The following P3H2 variants were observed in gnomAD, a reference collection of about 807,000 sequenced individuals.
P3H2 encodes the protein leprecan-like 1.
A neutral mutation model predicts 87.0 loss-of-function variants in P3H2; 80 were observed. That is an observed-to-expected ratio of 0.92 (90% CI 0.77 to 1.11). The LOEUF (loss-of-function observed/expected upper bound fraction) is 1.11. P3H2 is among the 50% of genes least tolerant of loss of function. P3H2 has a pLI of 0.00. For missense variants in P3H2, 1,001 were observed against 923.9 expected (o/e 1.08, Z -1.08); for synonymous variants, 367 against 359.3 (o/e 1.02, Z -0.24).
chr3:189,988,738 A>G (rs1328111730), intron 4 of P3H2, among the ~76,000 whole-genome samples, 169 bp downstream of exon 4: 1 of 152,194 alleles, frequency 6.6e-6, no homozygotes, highest in African/African-American at 2.4e-5. Context: ...CATTGGTGAT[A>G]TCCCCTTCTG....
chr3:190,092,811 C>G (rs992650813), intron 1 of P3H2, among the ~76,000 whole-genome samples: 1 of 152,182 alleles, frequency 6.6e-6, no homozygotes, highest in African/African-American at 2.4e-5. Flanking sequence ...TAATATCCTT[C>G]CTTCCTATTC....
At chr3:189,995,213 A>C in intron 2 of P3H2, 77 bp downstream of exon 2, 11 of 1,376,904 alleles carry the variant, frequency 8.0e-6, no homozygotes, top group Non-Finnish European at 1.0e-5. Flanking sequence ...ATTCATTCAT[A>C]GAAATTTGCT....
intron 1 of P3H2, among the ~76,000 whole-genome samples, chr3:190,013,251 T>C (rs950293856): frequency 6.6e-6 from 1 of 152,236 alleles, no homozygotes; most frequent in African/African-American, 2.4e-5. Flanking sequence ...AGGAGAATGA[T>C]GTGAGAACAC....
intron 1 of P3H2, among the ~76,000 whole-genome samples, chr3:190,090,567 G>A (rs1727375901): frequency 6.6e-6 from 1 of 152,106 alleles, no homozygotes; most frequent in Non-Finnish European, 1.5e-5. Context: ...GCTGGGCATG[G>A]TGGCGGGCAC....
intron 4 of P3H2, 73 bp downstream of exon 4, chr3:189,988,834 T>A: frequency 6.3e-7 from 1 of 1,575,502 alleles, no homozygotes; most frequent in Non-Finnish European, 8.7e-7. Context: ...GAAAACTCAA[T>A]TACAAAAATG....
intron 14 of P3H2, among the ~76,000 whole-genome samples, chr3:189,960,224 C>T (rs976268712): frequency 6.6e-6 from 1 of 152,200 alleles, no homozygotes; most frequent in Non-Finnish European, 1.5e-5. Context: ...ATTTGCCGCT[C>T]CTACCCTTTC....
chr3:190,016,680 T>C (rs1384253281), intron 1 of P3H2, among the ~76,000 whole-genome samples: 3 of 152,254 alleles, frequency 2.0e-5, no homozygotes, highest in African/African-American at 4.8e-5. Context: ...TGTAGTCTCA[T>C]TGCTTTTTTC....
chr3:190,077,184 C>T (rs911098374), intron 1 of P3H2, among the ~76,000 whole-genome samples: 3 of 152,176 alleles, frequency 2.0e-5, no homozygotes, highest in Non-Finnish European at 4.4e-5. Context: ...AGCCCAGTGC[C>T]CTCCATCCGA....
At chr3:190,101,200 AGGCCAATTAAT>A (rs1711613780) in intron 1 of P3H2, among the ~76,000 whole-genome samples, 1 of 151,920 alleles carries the variant, frequency 6.6e-6, no homozygotes, top group Non-Finnish European at 1.5e-5. Flanking sequence ...CACTGAAATT[AGGCCAATTAAT>A]AATCCCACAA....
chr3:189,988,590 G>T (rs1167423854), intron 4 of P3H2, among the ~76,000 whole-genome samples: 1 of 152,040 alleles, frequency 6.6e-6, no homozygotes, highest in Non-Finnish European at 1.5e-5. Flanking sequence ...ATAATGTTTT[G>T]TTTTTGGAAA....
At position 190,014,019 on chromosome 3, in the gene P3H2, GA is replaced by G. The variant is rs143109598; in HGVS notation, c.481-18578del. Among the ~76,000 whole-genome samples the G allele has an allele frequency of 2.6e-5, 4 of 151,038 alleles. No homozygotes were observed. In the East Asian group the frequency reaches 7.8e-4, roughly 29 times the overall value. The stretch of plus-strand genomic sequence containing the variant: ...CTGGGCATTTGCTGTCTACTAGCGA[GA>G]AAAAAAAATTTGGTGGCAAAATATG... On this transcript the variant is annotated intron_variant, in intron 1 of 14. Coordinates refer to ENST00000319332, the MANE Select transcript of P3H2 (RefSeq NM_018192.4).
chr3:190,107,761 T>C (rs1711902604), intron 1 of P3H2, among the ~76,000 whole-genome samples: 1 of 152,234 alleles, frequency 6.6e-6, no homozygotes, highest in Non-Finnish European at 1.5e-5. Flanking sequence ...TAAAAGGCAT[T>C]GTTTCATATC....
At position 189,972,934 on chromosome 3, in the gene P3H2, T is replaced by G. The variant is rs146951799; in HGVS notation, c.1639A>C (p.Met547Leu). Residue 547 changes from methionine to leucine, a missense_variant, in exon 11 of 15, where the codon ATG becomes CTG. Physicochemically the swap from Met to Leu is conservative, Grantham distance 15. Transcript: ENST00000319332. ...KARRIVESYF[M>L]LNSTLYFSYT... ...GAAAAATACAGAGTTGAGTTCAGCA[T>G]AAAATAAGATTCTACAATCCTTCGA... is the stretch of plus-strand genomic sequence containing the variant. 3.1e-6 allele frequency: 5 copies of G among 1,613,576 alleles called. No individual in the cohort carries two copies. Among genetic ancestry groups the G allele is most frequent in the Non-Finnish European group, 3.4e-6 (4 of 1,179,924 alleles).
intron 1 of P3H2, among the ~76,000 whole-genome samples, chr3:190,004,406 G>A (rs1454314776): frequency 6.6e-6 from 1 of 152,182 alleles, no homozygotes; most frequent in Non-Finnish European, 1.5e-5. Flanking sequence ...ATTTCGAGAC[G>A]GAGTCTCGCT....
At chr3:189,979,812 G>A (rs1723472044) in intron 8 of P3H2, among the ~76,000 whole-genome samples, 1 of 150,926 alleles carries the variant, frequency 6.6e-6, no homozygotes, top group African/African-American at 2.4e-5. Flanking sequence ...AAAAAAAAAT[G>A]AAGAAATTAG....
At chr3:189,969,347 C>T in intron 13 of P3H2, 1 of 850,578 alleles carries the variant, frequency 1.2e-6, no homozygotes, top group Non-Finnish European at 2.0e-6. Context: ...AAACGAGGTC[C>T]CTCAGTTGTG....
chr3:190,049,286 T>C (rs1372732904), intron 1 of P3H2, among the ~76,000 whole-genome samples: 2 of 151,926 alleles, frequency 1.3e-5, no homozygotes, highest in Non-Finnish European at 2.9e-5. Context: ...TTTTCAGTCA[T>C]ATTAATTAAG....
At chr3:190,055,830 G>A (rs190880915) in intron 1 of P3H2, among the ~76,000 whole-genome samples, 109 of 152,290 alleles carry the variant, frequency 7.2e-4, no homozygotes, top group Admixed American at 3.9e-3. Flanking sequence ...ATGGAATGTA[G>A]CTCTAAAAAG....
chr3:190,006,515 A>G (rs1447710221), intron 1 of P3H2, among the ~76,000 whole-genome samples: 1 of 152,246 alleles, frequency 6.6e-6, no homozygotes, highest in Non-Finnish European at 1.5e-5. Flanking sequence ...GATACAAAAT[A>G]AATGTGACAG....
Sources: allele counts gnomAD v4.1 joint callset (sites outside exome capture counted in the v4.1 genomes callset), GRCh38; gene constraint gnomAD v4.1.1; transcripts MANE v1.5; gene names NCBI Gene and HGNC (gene_info 2026-07-23, HGNC 2026-07-21).